Variants in SAFB observed in about 807,000 individuals in gnomAD.
The protein encoded by SAFB is scaffold attachment factor B.
Under a neutral mutation model 101.6 loss-of-function variants are expected in SAFB, and 15 were observed. The ratio of observed to expected loss-of-function variants is 0.15; its 90% confidence interval spans 0.10 to 0.23. The LOEUF is 0.23. Ranked by LOEUF, SAFB falls within the 10% of genes least tolerant of loss-of-function variation. The probability of loss-of-function intolerance (pLI) is 1.00; values close to 1 mark genes in which losing one functional copy is unlikely to be tolerated. For synonymous variants in SAFB, 449 were observed against 407.5 expected (o/e 1.10, Z -1.23); for missense variants, 930 against 1,104.1 (o/e 0.84, Z 2.23).
intron 9 of SAFB, among the ~76,000 whole-genome samples, chr19:5,651,961 C>G (rs541442573): frequency 1.3e-5 from 2 of 152,090 alleles, no homozygotes; most frequent in Non-Finnish European, 2.9e-5. Flanking sequence ...TTTGGGAGGC[C>G]GAGGTGGGTG....
intron 11 of SAFB, among the ~76,000 whole-genome samples, chr19:5,653,743 G>A (rs527416159): frequency 3.3e-5 from 5 of 150,858 alleles, no homozygotes; most frequent in South Asian, 4.2e-4. Flanking sequence ...GATTACAGGC[G>A]TGAGCCACCA....
chr19:5,636,212 GGAA>G (rs896253703), intron 2 of SAFB, among the ~76,000 whole-genome samples: 5 of 151,962 alleles, frequency 3.3e-5, no homozygotes, highest in African/African-American at 1.2e-4. Flanking sequence ...CCCCTCCTGA[GGAA>G]GAGAGAACAC....
At chr19:5,626,314 A>G (rs2053359270) in intron 1 of SAFB, 91 bp from the exon 2 acceptor site, 1 of 772,368 alleles carries the variant, frequency 1.3e-6, no homozygotes, top group African/African-American at 1.7e-5. Context: ...TTTTGATCTT[A>G]AAAATACAGT....
At chr19:5,637,091 T>A (rs1170730408) in intron 2 of SAFB, among the ~76,000 whole-genome samples, 1 of 148,566 alleles carries the variant, frequency 6.7e-6, no homozygotes, top group Non-Finnish European at 1.5e-5. Context: ...ACGCCTGTAA[T>A]CCTAGCACTT....
intron 2 of SAFB, among the ~76,000 whole-genome samples, chr19:5,633,463 C>G (rs2053531150): frequency 2.6e-5 from 4 of 152,146 alleles, no homozygotes; most frequent in Admixed American, 6.6e-5. Context: ...TGCCCTGGGC[C>G]CTTTTGAGGA....
chr19:5,668,107 A>G, intron 20 of SAFB, 55 bp from the exon 21 acceptor site: 1 of 1,585,758 alleles, frequency 6.3e-7, no homozygotes. Context: ...GCAGGCTGGG[A>G]TGGGCCGGGG....
rs771658519 is a variant in SAFB at position 5,626,506 on chromosome 19, A to G, written c.274+17A>G. On this transcript the variant is annotated intron_variant, in intron 2 of 20. Coordinates refer to ENST00000588852, the MANE Select transcript of SAFB (RefSeq NM_001201338.2). ...CTAGCAAAGGTATGGAGGATTTCAT[A>G]AGCAAGTTTCATGTTAAGTGCTTTC... 6.8e-7 allele frequency: 1 copy of G among 1,461,978 alleles called. No individual in the cohort carries two copies. The highest frequency in any genetic ancestry group is 1.2e-5 in the South Asian group (1 of 86,822). The allele number at this position is 1,461,978 out of a possible 1,614,324, so 90.6% of individuals were successfully genotyped here.
chr19:5,636,500 T>C (rs568197139), intron 2 of SAFB, among the ~76,000 whole-genome samples: 1 of 152,170 alleles, frequency 6.6e-6, no homozygotes, highest in East Asian at 1.9e-4. Context: ...AAATATCATG[T>C]ATTGAATTCT....
Position 5,623,139 on chromosome 19 carries a change from G to T in SAFB, c.-67G>T. The stretch of plus-strand genomic sequence containing the variant: ...GTTCCCTCGCAGGCGGCGCCATTTT[G>T]TGCTAGGAGCCTGATAAAACCGGCC... On this transcript the variant is annotated 5_prime_UTR_variant, in exon 1 of 21. Transcript: ENST00000588852. 2.0e-6 allele frequency: 3 copies of T among 1,487,892 alleles called. No homozygotes were observed. The highest frequency in any genetic ancestry group is 2.1e-5 in the Admixed American group (1 of 47,166). 92.2% of individuals were successfully genotyped at this position (1,487,892 alleles called of 1,614,324 possible).
chr19:5,639,065 T>C (rs2053651824), intron 2 of SAFB, among the ~76,000 whole-genome samples: 2 of 152,114 alleles, frequency 1.3e-5, no homozygotes, highest in Admixed American at 1.3e-4. Flanking sequence ...ATGCCACATA[T>C]CTAAAACTGG....
intron 6 of SAFB, 50 bp downstream of exon 6, chr19:5,648,093 T>G: frequency 6.9e-7 from 1 of 1,439,308 alleles, no homozygotes; most frequent in Non-Finnish European, 9.7e-7. Context: ...CCATTCTAGT[T>G]TTCCACCTTC....
chr19:5,637,644 T>C (rs2053622872), intron 2 of SAFB, among the ~76,000 whole-genome samples: 1 of 152,086 alleles, frequency 6.6e-6, no homozygotes, highest in Non-Finnish European at 1.5e-5. Context: ...CCAGCCTTGG[T>C]GACGGGGTCA....
At chr19:5,657,568 C>T (rs773525146) in intron 14 of SAFB, among the ~76,000 whole-genome samples, 4 of 152,052 alleles carry the variant, frequency 2.6e-5, no homozygotes, top group Non-Finnish European at 5.9e-5. Context: ...TGCTGTGTCG[C>T]GCCCAGGCTG....
intron 1 of SAFB, 123 bp downstream of exon 1, chr19:5,623,517 C>A: frequency 1.3e-6 from 1 of 766,114 alleles, no homozygotes; most frequent in Non-Finnish European, 2.0e-6. Flanking sequence ...ACCTGGCGCT[C>A]TCGCGTCCCC....
At chr19:5,660,917 A>G (rs989115767) in intron 14 of SAFB, among the ~76,000 whole-genome samples, 1 of 137,546 alleles carries the variant, frequency 7.3e-6, no homozygotes, top group Non-Finnish European at 1.5e-5. Flanking sequence ...CTCACTCGCT[A>G]TGAAGCATAT....
At chr19:5,658,450 C>T (rs1197945152) in intron 14 of SAFB, among the ~76,000 whole-genome samples, 4 of 152,290 alleles carry the variant, frequency 2.6e-5, no homozygotes, top group East Asian at 1.9e-4. Context: ...CTCAGCACTT[C>T]GGGAGGCCGA....
At chr19:5,663,799 G>A (rs1416461345) in intron 15 of SAFB, among the ~76,000 whole-genome samples, 1 of 152,134 alleles carries the variant, frequency 6.6e-6, no homozygotes, top group Non-Finnish European at 1.5e-5. Context: ...CTCCCTCTTT[G>A]GAAAACCGAG....
At chr19:5,635,002 G>A (rs2053565043) in intron 2 of SAFB, among the ~76,000 whole-genome samples, 1 of 152,062 alleles carries the variant, frequency 6.6e-6, no homozygotes, top group South Asian at 2.1e-4. Context: ...ACCGGGTGTG[G>A]TGGCACGTGC....
chr19:5,634,764 C>G (rs2053560411), intron 2 of SAFB, among the ~76,000 whole-genome samples: 1 of 152,066 alleles, frequency 6.6e-6, no homozygotes, highest in African/African-American at 2.4e-5. Flanking sequence ...GCCTAGAGAC[C>G]AAAAGATTCC....
Sources: allele counts gnomAD v4.1 joint callset (sites outside exome capture counted in the v4.1 genomes callset), GRCh38; gene constraint gnomAD v4.1.1; transcripts MANE v1.5; gene names NCBI Gene and HGNC (gene_info 2026-07-23, HGNC 2026-07-21).